Variants in PROX1 observed in about 807,000 individuals in gnomAD.
PROX1 encodes the protein prospero homeobox 1.
A neutral mutation model predicts 58.8 loss-of-function variants in PROX1; 7 were observed. The observed-to-expected ratio is 0.12, with a 90% confidence interval of 0.07 to 0.22. The LOEUF (loss-of-function observed/expected upper bound fraction) is 0.22. PROX1 is among the 10% of genes least tolerant of loss of function. The probability of loss-of-function intolerance (pLI) is 1.00; values close to 1 mark genes in which losing one functional copy is unlikely to be tolerated. For missense variants in PROX1, 675 were observed against 927.8 expected, an observed-to-expected ratio of 0.73 and a Z score of 3.54; for synonymous variants, 350 against 358.3, an observed-to-expected ratio of 0.98 and a Z score of 0.26.
At chr1:214,030,432 G>A (rs1340193467) in intron 4 of PROX1, 1 of 152,290 alleles carries the variant, frequency 6.6e-6, no homozygotes, top group Non-Finnish European at 1.5e-5. Flanking sequence ...TTTGGTTACG[G>A]GTTGGGGGGT....
At chr1:214,017,986 G>T (rs1261323129) in intron 4 of PROX1, among the ~76,000 whole-genome samples, 2 of 152,214 alleles carry the variant, frequency 1.3e-5, no homozygotes, top group African/African-American at 4.8e-5. Flanking sequence ...AGAGCTGCTG[G>T]TGGTGGCTGT....
chr1:214,005,311 T>G (rs1405243162), intron 3 of PROX1, 39 bp downstream of exon 3: 1 of 1,493,946 alleles, frequency 6.7e-7, no homozygotes, highest in Non-Finnish European at 9.3e-7. Flanking sequence ...TCATTTTCTA[T>G]GCATGTGGCA....
chr1:214,012,984 T>C (rs1394019832), intron 4 of PROX1, among the ~76,000 whole-genome samples: 3 of 152,098 alleles, frequency 2.0e-5, no homozygotes, highest in African/African-American at 4.8e-5. Flanking sequence ...CCAGTTATAG[T>C]GGCTTATAAA....
intron 4 of PROX1, among the ~76,000 whole-genome samples, chr1:214,016,346 G>A (rs539386930): frequency 3.3e-5 from 5 of 151,944 alleles, no homozygotes; most frequent in Non-Finnish European, 7.4e-5. Flanking sequence ...ACTTTTATTC[G>A]CATTGTCATC....
chr1:213,994,741 A>T, intron 1 of PROX1, among the ~76,000 whole-genome samples: 1 of 126,636 alleles, frequency 7.9e-6, no homozygotes, highest in Non-Finnish European at 1.6e-5. Flanking sequence ...TTTCATTCTC[A>T]AGCATGCAAA....
At chr1:214,005,441 C>T (rs1039545270) in intron 3 of PROX1, among the ~76,000 whole-genome samples, 169 bp downstream of exon 3, 12 of 152,114 alleles carry the variant, frequency 7.9e-5, no homozygotes, top group African/African-American at 2.7e-4. Flanking sequence ...AGCAAAGATG[C>T]CACTTGTGTA....
chr1:214,036,378 G>GA lies in PROX1; in HGVS notation c.*545dup, dbSNP rs1664830327. The GA allele has an allele frequency of 6.6e-6, 1 of 151,952 alleles. No individual in the cohort carries two copies. Among genetic ancestry groups the GA allele is most frequent in the Admixed American group, 6.6e-5 (1 of 15,262 alleles). The allele number at this position is 151,952 out of a possible 1,614,324, so 9.4% of individuals were successfully genotyped here. On this transcript the variant is annotated 3_prime_UTR_variant, in exon 5 of 5. Transcript: ENST00000366958. ...TTTAAAAATAATTCCAATGACAGAT[G>GA]AGCAGCTCACTTTTCCAAAGTACCC... is the stretch of plus-strand genomic sequence containing the variant.
intron 3 of PROX1, among the ~76,000 whole-genome samples, chr1:214,007,263 A>G (rs1354590266): frequency 1.3e-5 from 2 of 152,178 alleles, no homozygotes; most frequent in South Asian, 2.1e-4. Context: ...AAAAGCACTA[A>G]TATTCAGATT....
At chr1:214,005,936 G>C (rs1035570273) in intron 3 of PROX1, among the ~76,000 whole-genome samples, 1 of 150,142 alleles carries the variant, frequency 6.7e-6, no homozygotes, top group East Asian at 1.9e-4. Context: ...CTCTCTGTGT[G>C]TGTATGCGTG....
rs1303042250 is a variant in PROX1 at position 213,996,807 on chromosome 1, C to G, written c.272C>G (p.Thr91Ser). 5 of 1,614,094 alleles carry G rather than the reference C, an allele frequency of 3.1e-6. No individual in the cohort carries two copies. Among genetic ancestry groups the G allele is most frequent in the Non-Finnish European group, 4.2e-6 (5 of 1,180,030 alleles). Residue 91 changes from threonine (T) to serine (S), a missense_variant, in exon 2 of 5, where the codon ACC becomes AGC. Physicochemically the swap from Thr to Ser is moderately conservative, Grantham distance 58 (BLOSUM62 1). Coordinates refer to ENST00000366958, the MANE Select transcript of PROX1 (RefSeq NM_001270616.2). ...EDAMMPFPGATIISQLLKNNM... is the reference protein window; with the variant it reads ...EDAMMPFPGASIISQLLKNNM... ...GCCATGATGCCTTTTCCAGGAGCAA[C>G]CATAATTTCCCAGCTGTTGAAAAAT... is the stretch of plus-strand genomic sequence containing the variant.
intron 4 of PROX1, among the ~76,000 whole-genome samples, chr1:214,022,214 C>T (rs1664303834): frequency 6.6e-6 from 1 of 152,180 alleles, no homozygotes; most frequent in South Asian, 2.1e-4. Flanking sequence ...GAAACCCTGG[C>T]AAGTGTCTTA....
At chr1:213,996,336 A>T in intron 1 of PROX1, 133 bp from the exon 2 acceptor site, 1 of 562,764 alleles carries the variant, frequency 1.8e-6, no homozygotes, top group Admixed American at 3.3e-5. Flanking sequence ...AGAGTGCATA[A>T]TAAATTGCAA....
At chr1:214,005,906 A>G (rs1383939584) in intron 3 of PROX1, among the ~76,000 whole-genome samples, 1 of 151,988 alleles carries the variant, frequency 6.6e-6, no homozygotes, top group East Asian at 1.9e-4. Context: ...CATTCTACAG[A>G]ATATTGGGAC....
At chr1:213,995,189 C>T (rs924277158) in intron 1 of PROX1, among the ~76,000 whole-genome samples, 8 of 138,446 alleles carry the variant, frequency 5.8e-5, no homozygotes, top group Admixed American at 7.4e-5. Flanking sequence ...ATAAACCCAA[C>T]GTGAAAAAAA....
At chr1:214,008,408 AAAC>A (rs567205314) in intron 3 of PROX1, among the ~76,000 whole-genome samples, 3 of 143,786 alleles carry the variant, frequency 2.1e-5, no homozygotes, top group South Asian at 2.1e-4. Flanking sequence ...AACAAAAAAC[AAAC>A]AACAACAACA....
Position 213,997,759 on chromosome 1 carries a change from C to A in PROX1, c.1224C>A (p.Arg408=). 1 of 1,614,232 alleles carries A rather than the reference C, an allele frequency of 6.2e-7. No individual in the cohort carries two copies. Among genetic ancestry groups the A allele is most frequent in the South Asian group, 1.1e-5 (1 of 91,084 alleles). Residue 408 remains arginine, a synonymous_variant, in exon 2 of 5, where the codon CGC becomes CGA. Coordinates refer to ENST00000366958, the MANE Select transcript of PROX1 (RefSeq NM_001270616.2). This position sits in a 1 kb window ranked among gnomAD's most constrained non-coding sequence, Gnocchi z 7.1. ...ACAATTTCCACACCGCCAACCAGCGCCTGCAGTGCTTTGGCGACGTCATCA... is the reference window on the plus strand; with the variant it reads ...ACAATTTCCACACCGCCAACCAGCGACTGCAGTGCTTTGGCGACGTCATCA... ...ENHNFHTANQ[R]LQCFGDVIIP...
Position 214,035,776 on chromosome 1 carries a change from G to C in PROX1, c.2156G>C (p.Ser719Thr). The C allele has an allele frequency of 6.2e-7, 1 of 1,614,006 alleles. No individual in the cohort carries two copies. The highest frequency in any genetic ancestry group is 2.2e-5 in the East Asian group (1 of 44,872). The change falls in exon 5 of 5, where the codon AGT (serine) becomes ACT (threonine). Residue 719 changes from serine (S) to threonine (T), a missense_variant. Ser to Thr is a moderately conservative substitution (Grantham distance 58). Transcript: ENST00000366958. ...AIYKVICKLD[S>T]EVPEIFKSPN... ...TACAAGGTCATCTGCAAGCTGGATA[G>C]TGAAGTCCCTGAGATTTTCAAATCC...
At chr1:214,009,168 TG>T (rs1663821557) in intron 3 of PROX1, among the ~76,000 whole-genome samples, 1 of 152,220 alleles carries the variant, frequency 6.6e-6, no homozygotes, top group South Asian at 2.1e-4. Flanking sequence ...CAGATTGATT[TG>T]TTTTATACAT....
chr1:214,035,247 G>A (rs1031112654), intron 4 of PROX1, among the ~76,000 whole-genome samples: 1 of 152,102 alleles, frequency 6.6e-6, no homozygotes, highest in African/African-American at 2.4e-5. Context: ...TTTTGAGAAC[G>A]TATTTTGTTT....
Sources: gnomAD v4.1 joint callset for allele counts (sites outside exome capture counted in the v4.1 genomes callset) on GRCh38, gnomAD v4.1.1 for gene constraint, Gnocchi (gnomAD v3.1) non-coding constraint, MANE v1.5 for transcripts, NCBI Gene and HGNC (gene_info 2026-07-23, HGNC 2026-07-21) for gene names.